The following FKBP6 variants were observed in gnomAD, a reference collection of about 807,000 sequenced individuals.
FKBP6 encodes the protein FKBP prolyl isomerase family member 6 (inactive).
Under a neutral mutation model 41.7 loss-of-function variants are expected in FKBP6, and 29 were observed. The ratio of observed to expected loss-of-function variants is 0.70; its 90% CI spans 0.52 to 0.95. The LOEUF is 0.95. Ranked by LOEUF, FKBP6 falls within the 40% of genes least tolerant of loss-of-function variation. The probability of loss-of-function intolerance (pLI) is 0.00; values close to 1 mark genes in which losing one functional copy is unlikely to be tolerated. For missense variants in FKBP6, 338 were observed against 408.7 expected (o/e 0.83, Z 1.49); for synonymous variants, 130 against 165.1 (o/e 0.79, Z 1.63).
intron 4 of FKBP6, 71 bp downstream of exon 4, chr7:73,330,423 T>C (rs1333664440): frequency 5.8e-6 from 7 of 1,216,762 alleles, no homozygotes; most frequent in African/African-American, 1.5e-5. Flanking sequence ...GTAATTCTTC[T>C]AGATGGCCTG....
chr7:73,338,584 C>T (rs1423639338), intron 5 of FKBP6, among the ~76,000 whole-genome samples: 1 of 152,242 alleles, frequency 6.6e-6, no homozygotes, highest in Admixed American at 6.5e-5. Context: ...TACCATCTTA[C>T]ATTCCCACGA....
chr7:73,355,321 A>T (rs1215405651), intron 8 of FKBP6, among the ~76,000 whole-genome samples: 5 of 152,046 alleles, frequency 3.3e-5, no homozygotes, highest in African/African-American at 1.2e-4. Flanking sequence ...CTGACTTTGC[A>T]CCTCTGTGCG....
rs1169337434 is a variant in FKBP6 at position 73,357,281 on chromosome 7, T to G, written c.*3-900T>G. Among the ~76,000 whole-genome samples, 8 of 145,208 alleles carry G rather than the reference T, an allele frequency of 5.5e-5. No homozygotes were observed. In the East Asian group the frequency reaches 9.9e-4, roughly 18 times the overall value. On this transcript the variant is annotated intron_variant, in intron 8 of 8. Transcript: ENST00000252037. ...TTTGTTTGGTTTGGTTTTTTTTTTT[T>G]TTTTTTTTTTTGAGACGGAGTCTCA...
At chr7:73,350,576 T>C (rs951854887) in intron 8 of FKBP6, among the ~76,000 whole-genome samples, 5 of 152,138 alleles carry the variant, frequency 3.3e-5, no homozygotes, top group African/African-American at 1.2e-4. Context: ...GCTGAAGCCT[T>C]TGGGCTGTAG....
chr7:73,331,010 C>T (rs1804824234), intron 4 of FKBP6, among the ~76,000 whole-genome samples: 1 of 152,182 alleles, frequency 6.6e-6, no homozygotes, highest in Non-Finnish European at 1.5e-5. Flanking sequence ...ATGGAGTCTC[C>T]CCAGCTAAAC....
At chr7:73,337,722 A>C (rs1805050620) in intron 5 of FKBP6, among the ~76,000 whole-genome samples, 1 of 151,606 alleles carries the variant, frequency 6.6e-6, no homozygotes, top group African/African-American at 2.4e-5. Context: ...TGTTGTTGAG[A>C]TATGATTCAC....
At chr7:73,353,580 T>C (rs1805548800) in intron 8 of FKBP6, among the ~76,000 whole-genome samples, 1 of 152,228 alleles carries the variant, frequency 6.6e-6, no homozygotes. Context: ...TTTACTGCAC[T>C]TGAGGGTTGC....
In FKBP6 at chr7:73,331,698, G is replaced by A; in HGVS notation, c.510G>A (p.Val170=). ...DQFPLQKVLK[V]AATEREFGNY... Reference sequence around the variant, plus strand: ...TTCCACTTCAGAAGGTCCTGAAAGTGGCAGCTACGGAACGGGAGTTTGGCA... The same window carrying A: ...TTCCACTTCAGAAGGTCCTGAAAGTAGCAGCTACGGAACGGGAGTTTGGCA... The change falls in exon 5 of 9, where the codon GTG becomes GTA. Residue 170 remains valine, a synonymous_variant. Transcript: ENST00000252037. 6.2e-7 allele frequency: 1 copy of A among 1,613,906 alleles called. No homozygotes were observed. Among genetic ancestry groups the A allele is most frequent in the Non-Finnish European group, 8.5e-7 (1 of 1,179,792 alleles).
intron 8 of FKBP6, 138 bp downstream of exon 8, chr7:73,343,037 A>T (rs1329580533): frequency 9.6e-6 from 7 of 725,574 alleles, no homozygotes; most frequent in Non-Finnish European, 1.8e-5. Context: ...AAAGAACAAC[A>T]CAACGGTAGT....
intron 8 of FKBP6, among the ~76,000 whole-genome samples, chr7:73,355,214 G>A (rs906033906): frequency 2.6e-5 from 4 of 152,226 alleles, no homozygotes; most frequent in Non-Finnish European, 4.4e-5. Flanking sequence ...GGAGTCGGCT[G>A]TGGACCTTTG....
intron 8 of FKBP6, among the ~76,000 whole-genome samples, chr7:73,353,417 C>T (rs1315232533): frequency 6.6e-6 from 1 of 152,204 alleles, no homozygotes; most frequent in Non-Finnish European, 1.5e-5. Context: ...AGAGATAACT[C>T]AGCACTCTGC....
chr7:73,340,915 G>GTAT, intron 6 of FKBP6, 83 bp downstream of exon 6: 2 of 637,070 alleles, frequency 3.1e-6, no homozygotes, highest in Non-Finnish European at 5.3e-6. Flanking sequence ...CAAAAATGCT[G>GTAT]TCTTTTTTTT....
Position 73,340,712 on chromosome 7 carries a change from T to G in FKBP6, c.663T>G (p.Val221=), listed in dbSNP as rs1554549339. The change falls in exon 6 of 9, where the codon GTT becomes GTG. Residue 221 remains valine (V), a synonymous_variant. Coordinates refer to ENST00000252037, the MANE Select transcript of FKBP6 (RefSeq NM_003602.5). ...QHLVEAAKLP[V]LLNLSFTYLK... is the part of the protein sequence containing the mutation. ...TGGTGGAGGCCGCCAAGCTTCCTGT[T>G]CTCCTGAACCTGTCCTTTACATACC... 6.2e-7 allele frequency: 1 copy of G among 1,613,926 alleles called. No individual in the cohort carries two copies. The highest frequency in any genetic ancestry group is 1.7e-5 in the Admixed American group (1 of 59,990).
intron 8 of FKBP6, among the ~76,000 whole-genome samples, chr7:73,356,653 ATGT>A (rs1805639922): frequency 6.6e-6 from 1 of 152,120 alleles, no homozygotes. Flanking sequence ...CACCTTTCTG[ATGT>A]TTTTAAGTTA....
intron 8 of FKBP6, among the ~76,000 whole-genome samples, chr7:73,353,666 C>T (rs1554551436): frequency 6.6e-6 from 1 of 152,178 alleles, no homozygotes; most frequent in Non-Finnish European, 1.5e-5. Flanking sequence ...TGCCATTTTT[C>T]CAACAGCATG....
At chr7:73,351,287 C>T (rs1805483665) in intron 8 of FKBP6, among the ~76,000 whole-genome samples, 2 of 152,308 alleles carry the variant, frequency 1.3e-5, no homozygotes, top group African/African-American at 2.4e-5. Flanking sequence ...GCCTCAGCCT[C>T]CCAACGTGCT....
chr7:73,340,907 A>G, intron 6 of FKBP6, 75 bp downstream of exon 6: 1 of 972,300 alleles, frequency 1.0e-6, no homozygotes, highest in Non-Finnish European at 1.6e-6. Flanking sequence ...AGCTACTGCA[A>G]AAATGCTGTC....
intron 5 of FKBP6, among the ~76,000 whole-genome samples, chr7:73,332,115 C>T (rs1377402969): frequency 3.3e-5 from 5 of 152,080 alleles, no homozygotes; most frequent in African/African-American, 4.8e-5. Context: ...CTGCCCACCT[C>T]GGCCTCCCAA....
chr7:73,337,221 T>C (rs1407982238), intron 5 of FKBP6, among the ~76,000 whole-genome samples: 4 of 152,004 alleles, frequency 2.6e-5, no homozygotes, highest in Admixed American at 2.6e-4. Flanking sequence ...GCCCAGAGTT[T>C]AGAGATGGAA....
Sources: allele counts gnomAD v4.1 joint callset (sites outside exome capture counted in the v4.1 genomes callset), GRCh38; gene constraint gnomAD v4.1.1; transcripts MANE v1.5; gene names NCBI Gene and HGNC (gene_info 2026-07-23, HGNC 2026-07-21).